DRC11: variants seen among roughly 807,000 people sequenced by gnomAD.
DRC11 encodes dynein regulatory complex subunit 11, also known as IQ and AAA domain-containing protein 1.
At chr2:236,417,813 G>A in the DRC11 span, among the ~76,000 whole-genome samples, 1 of 151,910 alleles carries the variant, frequency 6.6e-6, no homozygotes, top group Non-Finnish European at 1.5e-5. Context: ...CCACTTATGA[G>A]TGAGAACATG....
the DRC11 span, among the ~76,000 whole-genome samples, chr2:236,330,835 C>T: frequency 6.6e-6 from 1 of 152,142 alleles, no homozygotes; most frequent in African/African-American, 2.4e-5. The surrounding 1 kb of genome is among the most constrained non-coding windows in gnomAD (Gnocchi z 5.5). Context: ...AGATAATTCT[C>T]AAAGTTTCCT....
At chr2:236,411,592 C>A in the DRC11 span, among the ~76,000 whole-genome samples, 1 of 151,944 alleles carries the variant, frequency 6.6e-6, no homozygotes, top group Admixed American at 6.6e-5. Context: ...AAGACACATG[C>A]ACATGTATGT....
the DRC11 span, among the ~76,000 whole-genome samples, chr2:236,449,608 T>C: frequency 1.3e-5 from 2 of 152,246 alleles, no homozygotes; most frequent in African/African-American, 2.4e-5. This position sits in a 1 kb window ranked among gnomAD's most constrained non-coding sequence, Gnocchi z 5.1. Context: ...GCTAGATCTG[T>C]GGCACACTAC....
At chr2:236,321,246 T>C in the DRC11 span, among the ~76,000 whole-genome samples, 1 of 152,188 alleles carries the variant, frequency 6.6e-6, no homozygotes, top group Non-Finnish European at 1.5e-5. Context: ...GTGGAAATAA[T>C]CTAATTATCT....
At chr2:236,382,991 C>T in the DRC11 span, among the ~76,000 whole-genome samples, 1 of 152,152 alleles carries the variant, frequency 6.6e-6, no homozygotes, top group Non-Finnish European at 1.5e-5. Context: ...GGACATTTGT[C>T]ACAACTAAGA....
chr2:236,432,521 T>C, the DRC11 span, among the ~76,000 whole-genome samples: 1 of 152,206 alleles, frequency 6.6e-6, no homozygotes, highest in Non-Finnish European at 1.5e-5. Context: ...ATGTTGAACA[T>C]CTTTTATTAT....
the DRC11 span, among the ~76,000 whole-genome samples, chr2:236,353,813 G>T: frequency 6.6e-6 from 1 of 152,034 alleles, no homozygotes; most frequent in East Asian, 1.9e-4. The surrounding 1 kb of genome is among the most constrained non-coding windows in gnomAD (Gnocchi z 5.0). Context: ...GGGTTAGGGA[G>T]GGTGCAGGGG....
At chr2:236,392,745 C>T in the DRC11 span, among the ~76,000 whole-genome samples, 10 of 152,156 alleles carry the variant, frequency 6.6e-5, no homozygotes, top group African/African-American at 1.7e-4. The surrounding 1 kb of genome is among the most constrained non-coding windows in gnomAD (Gnocchi z 5.1). Flanking sequence ...AAATGATTCA[C>T]TAAAATACGA....
the DRC11 span, among the ~76,000 whole-genome samples, chr2:236,406,374 T>C: frequency 1.3e-5 from 2 of 152,194 alleles, no homozygotes; most frequent in African/African-American, 2.4e-5. The surrounding 1 kb of genome is among the most constrained non-coding windows in gnomAD (Gnocchi z 4.7). Flanking sequence ...GCATCTGAAG[T>C]AGGCTGTTGA....
At chr2:236,355,913 ACAC>A in the DRC11 span, among the ~76,000 whole-genome samples, 1 of 152,110 alleles carries the variant, frequency 6.6e-6, no homozygotes, top group Non-Finnish European at 1.5e-5. Context: ...CTAGCTGTCT[ACAC>A]CACCACACAC....
chr2:236,469,258 T>G, the DRC11 span, among the ~76,000 whole-genome samples: 1 of 152,226 alleles, frequency 6.6e-6, no homozygotes, highest in South Asian at 2.1e-4. The surrounding 1 kb of genome is among the most constrained non-coding windows in gnomAD (Gnocchi z 5.8). Flanking sequence ...CAGGCTGGAG[T>G]GCAGTGGCGC....
the DRC11 span, chr2:236,368,107 T>C: frequency 1.2e-6 from 1 of 824,394 alleles, no homozygotes; most frequent in African/African-American, 1.7e-5. Context: ...ACTGTACTTT[T>C]GATGACAAAC....
the DRC11 span, among the ~76,000 whole-genome samples, chr2:236,353,847 G>A: frequency 6.6e-6 from 1 of 151,956 alleles, no homozygotes; most frequent in Non-Finnish European, 1.5e-5. The surrounding 1 kb of genome is among the most constrained non-coding windows in gnomAD (Gnocchi z 5.0). Flanking sequence ...TGCAGGGGGA[G>A]GGGGCTCACT....
chr2:236,365,544 A>C, the DRC11 span, among the ~76,000 whole-genome samples: 1 of 151,906 alleles, frequency 6.6e-6, no homozygotes. This position sits in a 1 kb window ranked among gnomAD's most constrained non-coding sequence, Gnocchi z 7.4. Flanking sequence ...GGGGGCCGGG[A>C]GAGGTTTCTG....
chr2:236,395,340 A>G, the DRC11 span, among the ~76,000 whole-genome samples: 1 of 152,236 alleles, frequency 6.6e-6, no homozygotes, highest in African/African-American at 2.4e-5. Flanking sequence ...CTCTTTACAC[A>G]TAATCCTTTC....
chr2:236,342,887 T>C, the DRC11 span, among the ~76,000 whole-genome samples: 1 of 152,046 alleles, frequency 6.6e-6, no homozygotes, highest in South Asian at 2.1e-4. This position sits in a 1 kb window ranked among gnomAD's most constrained non-coding sequence, Gnocchi z 5.8. Flanking sequence ...CTCAGTGCAG[T>C]TGACCTCCCC....
the DRC11 span, among the ~76,000 whole-genome samples, chr2:236,363,593 G>A: frequency 5.3e-5 from 8 of 152,134 alleles, no homozygotes; most frequent in African/African-American, 1.4e-4. The surrounding 1 kb of genome is among the most constrained non-coding windows in gnomAD (Gnocchi z 5.6). Flanking sequence ...GGGTGCTTAC[G>A]GAAAGAAAAA....
the DRC11 span, among the ~76,000 whole-genome samples, chr2:236,466,610 C>T: frequency 3.9e-5 from 6 of 152,100 alleles, no homozygotes; most frequent in Non-Finnish European, 5.9e-5. Flanking sequence ...CAGTGTCTCA[C>T]GTGGTGAAAG....
At chr2:236,377,695 C>T in the DRC11 span, among the ~76,000 whole-genome samples, 409 of 152,266 alleles carry the variant, frequency 2.7e-3, no homozygotes, top group African/African-American at 9.4e-3. The surrounding 1 kb of genome is among the most constrained non-coding windows in gnomAD (Gnocchi z 4.9). Context: ...GAAGATAAAA[C>T]GTCTAAAGCA....
Sources: gnomAD v4.1 joint callset for allele counts (sites outside exome capture counted in the v4.1 genomes callset) on GRCh38, gnomAD v4.1.1 for gene constraint, Gnocchi (gnomAD v3.1) non-coding constraint, MANE v1.5 for transcripts, NCBI Gene and HGNC (gene_info 2026-07-23, HGNC 2026-07-21) for gene names.